NRXN3: variants seen among roughly 807,000 people sequenced by gnomAD.
NRXN3 encodes neurexin 3, also known as neurexin III.
In NRXN3, 32 loss-of-function variants were observed where a neutral mutation model predicts 137.6. That is an observed-to-expected ratio of 0.23 (90% CI 0.18 to 0.31). The LOEUF (loss-of-function observed/expected upper bound fraction) is 0.31, where lower values mean the gene tolerates loss of function less well. Among genes scored for constraint, NRXN3 ranks in the 10% least tolerant of loss-of-function variants. The pLI is 1.00. For synonymous variants in NRXN3, 798 were observed against 784.5 expected (o/e 1.02, Z -0.29); for missense variants, 1,574 against 2,062.5 (o/e 0.76, Z 4.59).
chr14:79,248,319 A>T (rs1463445563), intron 15 of NRXN3, among the ~76,000 whole-genome samples: 1 of 151,952 alleles, frequency 6.6e-6, no homozygotes, highest in Non-Finnish European at 1.5e-5. Context: ...ATGACTTACA[A>T]TTTCCCACAA....
At chr14:78,224,010 G>T (rs4903728) in intron 1 of NRXN3, among the ~76,000 whole-genome samples, 4 of 151,728 alleles carry the variant, frequency 2.6e-5, no homozygotes, top group Non-Finnish European at 4.4e-5. Context: ...GATATGAGCC[G>T]TGGCCACCTT....
chr14:78,934,265 G>A (rs1180102307), intron 10 of NRXN3, among the ~76,000 whole-genome samples: 1 of 151,550 alleles, frequency 6.6e-6, no homozygotes, highest in African/African-American at 2.4e-5. Flanking sequence ...TTTCTATTAA[G>A]TCTTATTCTT....
rs76987894 is a variant in NRXN3 at position 79,515,933 on chromosome 14, T to G, written c.3444+48531T>G. On this transcript the variant is annotated intron_variant, in intron 16 of 20. Coordinates refer to ENST00000335750, the MANE Select transcript of NRXN3 (RefSeq NM_001330195.2). ...TGTGCTTAAATCAGGGCCCACAAAC[T>G]CAAAGCACGCATTTGGGCTAAAGGA... Among the ~76,000 whole-genome samples the G allele has an allele frequency of 6.4e-3, 971 of 152,156 alleles. 10 individuals are homozygous for G. Among genetic ancestry groups the G allele is most frequent in the Middle Eastern group, 0.041 (12 of 292 alleles).
intron 15 of NRXN3, among the ~76,000 whole-genome samples, chr14:79,362,197 C>T (rs890586581): frequency 6.6e-5 from 10 of 151,374 alleles, no homozygotes; most frequent in African/African-American, 2.4e-4. Flanking sequence ...ATGTGCACAA[C>T]GTGCAGGATT....
chr14:79,819,482 CTTTTT>C lies in NRXN3; in HGVS notation c.4093+14308_4093+14312del, dbSNP rs58492725. On this transcript the variant is annotated intron_variant, in intron 20 of 20. Coordinates refer to ENST00000335750, the MANE Select transcript of NRXN3 (RefSeq NM_001330195.2). Reference sequence around the variant, plus strand: ...ATAGGATACAACAGGACATTAAAAGCTTTTTTTTTTTTTTTTTTTTGAGACGGAGT... The same window carrying C: ...ATAGGATACAACAGGACATTAAAAGCTTTTTTTTTTTTTTTGAGACGGAGT... 9.7e-5 allele frequency among the ~76,000 whole-genome samples: 7 copies of C among 71,920 alleles called. 1 individual carries two copies. In the South Asian group the frequency reaches 3.5e-3, roughly 36 times the overall value. The allele number at this position is 71,920 out of a possible 152,430, so 47.2% of individuals were successfully genotyped here. A position where few individuals can be genotyped will look rare whatever the true frequency, so the allele number is the denominator to read the frequency against.
chr14:79,090,964 C>T (rs1376322971), intron 15 of NRXN3, among the ~76,000 whole-genome samples: 2 of 151,920 alleles, frequency 1.3e-5, no homozygotes, highest in Non-Finnish European at 2.9e-5. Context: ...GCACACAAAC[C>T]ATGTGGCCAA....
chr14:79,812,619 C>T (rs1353192516), intron 20 of NRXN3, among the ~76,000 whole-genome samples: 2 of 151,998 alleles, frequency 1.3e-5, no homozygotes, highest in South Asian at 2.1e-4. Context: ...TCATTTATTA[C>T]GATTGAAGAA....
chr14:78,719,886 C>T (rs1016973530), intron 8 of NRXN3, among the ~76,000 whole-genome samples: 5 of 151,958 alleles, frequency 3.3e-5, no homozygotes, highest in African/African-American at 4.8e-5. Flanking sequence ...TGGCAGATAC[C>T]GTTAGTGTTA....
chr14:79,554,237 C>T (rs1444263311), intron 16 of NRXN3, among the ~76,000 whole-genome samples: 9 of 152,030 alleles, frequency 5.9e-5, no homozygotes, highest in Non-Finnish European at 1.0e-4. Context: ...TGAGCACAAA[C>T]TTGGTAGGGA....
At chr14:78,951,097 T>C (rs896535265) in intron 10 of NRXN3, among the ~76,000 whole-genome samples, 2 of 152,214 alleles carry the variant, frequency 1.3e-5, no homozygotes, top group African/African-American at 2.4e-5. Flanking sequence ...TTTACAACTT[T>C]CATTTCTACT....
intron 15 of NRXN3, among the ~76,000 whole-genome samples, chr14:79,129,151 G>T (rs894220716): frequency 9.9e-5 from 15 of 151,906 alleles, no homozygotes; most frequent in Admixed American, 7.9e-4. Context: ...TTAATTTTTT[G>T]GAGGGTTTTT....
intron 1 of NRXN3, among the ~76,000 whole-genome samples, chr14:78,218,952 G>A (rs911678951): frequency 7.9e-5 from 12 of 152,142 alleles, no homozygotes; most frequent in African/African-American, 2.2e-4. Context: ...TCTCTCCTTG[G>A]TGGGCAGATG....
chr14:79,854,199 A>G (rs1603619936), intron 20 of NRXN3: 2 of 965,296 alleles, frequency 2.1e-6, no homozygotes, highest in East Asian at 1.2e-4. Flanking sequence ...GCCAAAAAAC[A>G]TGCGGGCAAT....
intron 20 of NRXN3, 37 bp downstream of exon 20, chr14:79,805,227 T>C: frequency 6.5e-7 from 1 of 1,542,816 alleles, no homozygotes; most frequent in Non-Finnish European, 9.0e-7. Flanking sequence ...TGCTTTCTTT[T>C]TTCTTTTGCA....
chr14:78,986,973 A>G (rs2099507822), intron 14 of NRXN3, among the ~76,000 whole-genome samples: 1 of 146,792 alleles, frequency 6.8e-6, no homozygotes, highest in African/African-American at 2.5e-5. Flanking sequence ...CAGTGAGCCA[A>G]GATCGTGCCA....
chr14:78,305,984 G>T (rs981459650), intron 4 of NRXN3, among the ~76,000 whole-genome samples: 2 of 152,156 alleles, frequency 1.3e-5, no homozygotes, highest in Non-Finnish European at 2.9e-5. Flanking sequence ...ATGTCTTTGA[G>T]ACGGTGCTTG....
chr14:78,410,500 C>A (rs1226789528), intron 4 of NRXN3, among the ~76,000 whole-genome samples: 1 of 152,094 alleles, frequency 6.6e-6, no homozygotes, highest in Non-Finnish European at 1.5e-5. Flanking sequence ...TTTCAATGGC[C>A]CTTAAGTTTC....
intron 19 of NRXN3, among the ~76,000 whole-genome samples, chr14:79,727,126 T>C (rs1295855227): frequency 6.6e-6 from 1 of 152,218 alleles, no homozygotes; most frequent in Non-Finnish European, 1.5e-5. Context: ...AAATATGTAT[T>C]GACATTACAG....
intron 15 of NRXN3, among the ~76,000 whole-genome samples, chr14:79,204,465 A>G (rs759339000): frequency 1.3e-5 from 2 of 152,088 alleles, no homozygotes; most frequent in African/African-American, 2.4e-5. Flanking sequence ...TATAGGTAGC[A>G]TCCAGTTAAG....
Sources: allele counts gnomAD v4.1 joint callset (sites outside exome capture counted in the v4.1 genomes callset), GRCh38; gene constraint gnomAD v4.1.1; transcripts MANE v1.5; gene names NCBI Gene and HGNC (gene_info 2026-07-23, HGNC 2026-07-21).